TRAF3: variants seen among roughly 807,000 people sequenced by gnomAD.
The protein encoded by TRAF3 is TNF receptor associated factor 3, also known as TNF receptor-associated factor 3.
TRAF3 carries 13 observed loss-of-function variants against 62.3 expected under a neutral mutation model. That is an observed-to-expected ratio of 0.21 (90% CI 0.14 to 0.33). The LOEUF is 0.33. Among genes scored for constraint, TRAF3 ranks in the 10% least tolerant of loss-of-function variants. The pLI, the probability that TRAF3 is intolerant of heterozygous loss-of-function variation, is 1.00. For synonymous variants in TRAF3, 269 were observed against 283.4 expected, an observed-to-expected ratio of 0.95 and a Z score of 0.51; for missense variants, 440 against 741.8, an observed-to-expected ratio of 0.59 and a Z score of 4.73.
At chr14:102,894,807 T>G (rs1889914854) in intron 9 of TRAF3, among the ~76,000 whole-genome samples, 1 of 152,102 alleles carries the variant, frequency 6.6e-6, no homozygotes, top group Non-Finnish European at 1.5e-5. Context: ...GCTCAAGTGA[T>G]CCCATCCAGC....
At chr14:102,815,852 C>G (rs1899486145) in intron 1 of TRAF3, among the ~76,000 whole-genome samples, 1 of 152,108 alleles carries the variant, frequency 6.6e-6, no homozygotes, top group Admixed American at 6.6e-5. Context: ...TTTATAAAAC[C>G]ATCAGATCTG....
intron 1 of TRAF3, among the ~76,000 whole-genome samples, chr14:102,791,106 G>C (rs912236368): frequency 2.7e-4 from 40 of 148,092 alleles, no homozygotes; most frequent in African/African-American, 1.0e-3. Context: ...TGCAACCTCC[G>C]CCTCCCGGGT....
chr14:102,910,475 A>G lies in TRAF3; in HGVS notation c.*4691A>G, dbSNP rs1890809745. On this transcript the variant is annotated 3_prime_UTR_variant, in exon 12 of 12. Transcript: ENST00000392745. Reference sequence around the variant, plus strand: ...TGCGCACCGGGGTCCTAGCCAGGCGAGGTCAGTGTCGGCAGGCTACCTGGT... The same window carrying G: ...TGCGCACCGGGGTCCTAGCCAGGCGGGGTCAGTGTCGGCAGGCTACCTGGT... 1 of 152,242 alleles carries G rather than the reference A, an allele frequency of 6.6e-6. No homozygotes were observed. The highest frequency in any genetic ancestry group is 1.5e-5 in the Non-Finnish European group (1 of 68,058). The allele number at this position is 152,242 out of a possible 1,614,324, so 9.4% of individuals were successfully genotyped here. A position where few individuals can be genotyped will look rare whatever the true frequency, so the allele number is the denominator to read the frequency against.
Position 102,845,980 on chromosome 14 carries a change from C to CAA in TRAF3, c.-18+15536_-18+15537dup, listed in dbSNP as rs35353834. On this transcript the variant is annotated intron_variant, in intron 2 of 11. Transcript: ENST00000392745. Reference sequence around the variant, plus strand: ...TGGGTGACAGAGGTCGACCGTGTCTCAAAAAAAAAAAAAAAAAAAAAAAAA... The same window carrying CAA: ...TGGGTGACAGAGGTCGACCGTGTCTCAAAAAAAAAAAAAAAAAAAAAAAAAAA... Among the ~76,000 whole-genome samples, 61 of 56,878 alleles carry CAA rather than the reference C, an allele frequency of 1.1e-3. 1 individual carries two copies. Among genetic ancestry groups the CAA allele is most frequent in the East Asian group, 7.6e-3 (9 of 1,186 alleles). 37.3% of individuals were successfully genotyped at this position (56,878 alleles called of 152,430 possible).
chr14:102,851,467 G>A (rs1240164564), intron 2 of TRAF3, among the ~76,000 whole-genome samples: 1 of 152,156 alleles, frequency 6.6e-6, no homozygotes, highest in African/African-American at 2.4e-5. Context: ...TCACAGGGCC[G>A]GGCGCAGTGG....
chr14:102,796,271 A>C (rs1898079570), intron 1 of TRAF3, among the ~76,000 whole-genome samples: 1 of 152,234 alleles, frequency 6.6e-6, no homozygotes, highest in African/African-American at 2.4e-5. Flanking sequence ...ATGGCGGAAC[A>C]CGTGGAGGTT....
At chr14:102,893,329 G>T (rs1889827889) in intron 9 of TRAF3, among the ~76,000 whole-genome samples, 2 of 151,324 alleles carry the variant, frequency 1.3e-5, no homozygotes, top group Middle Eastern at 3.4e-3. Flanking sequence ...GGTGGAGTTT[G>T]CAGTGAGCCA....
At chr14:102,827,301 G>A (rs1900383152) in intron 1 of TRAF3, among the ~76,000 whole-genome samples, 1 of 152,204 alleles carries the variant, frequency 6.6e-6, no homozygotes, top group Non-Finnish European at 1.5e-5. Flanking sequence ...CCGCCCTGAC[G>A]GCGGTTCCCC....
chr14:102,843,937 G>A (rs1281632161), intron 2 of TRAF3, among the ~76,000 whole-genome samples: 1 of 152,208 alleles, frequency 6.6e-6, no homozygotes, highest in Admixed American at 6.5e-5. Flanking sequence ...AGACTGTTAA[G>A]ATATCATAAA....
At chr14:102,894,601 G>C (rs1293053321) in intron 9 of TRAF3, among the ~76,000 whole-genome samples, 1 of 152,198 alleles carries the variant, frequency 6.6e-6, no homozygotes, top group African/African-American at 2.4e-5. Context: ...TGATCTGCAG[G>C]ACCTGGGAGT....
At chr14:102,787,106 A>G (rs1273366942) in intron 1 of TRAF3, among the ~76,000 whole-genome samples, 2 of 152,194 alleles carry the variant, frequency 1.3e-5, no homozygotes, top group East Asian at 3.9e-4. Context: ...GGTTTGATAA[A>G]GGGAATGACT....
intron 1 of TRAF3, among the ~76,000 whole-genome samples, chr14:102,789,594 A>ATGTGTGTGTGTGTGTG (rs56383846): frequency 6.7e-6 from 1 of 148,686 alleles, no homozygotes; most frequent in Non-Finnish European, 1.5e-5. Context: ...AAAAGGATAT[A>ATGTGTGTGTGTGTGTG]TGTGTGTGTG....
At chr14:102,892,095 G>A (rs1595401918) in intron 9 of TRAF3, among the ~76,000 whole-genome samples, 2 of 143,578 alleles carry the variant, frequency 1.4e-5, no homozygotes, top group East Asian at 4.0e-4. Context: ...TGCTCTTGTA[G>A]CCCAGGCTGG....
intron 6 of TRAF3, among the ~76,000 whole-genome samples, chr14:102,883,393 A>G (rs1354058368): frequency 6.6e-6 from 1 of 152,186 alleles, no homozygotes; most frequent in African/African-American, 2.4e-5. Context: ...TTCATTTGGC[A>G]CACATATGTA....
intron 9 of TRAF3, among the ~76,000 whole-genome samples, chr14:102,896,265 T>A (rs1890003314): frequency 6.6e-6 from 1 of 152,190 alleles, no homozygotes; most frequent in African/African-American, 2.4e-5. Context: ...TCTGTCTAAC[T>A]GAGGCTCTGT....
At chr14:102,834,157 C>G (rs1353327071) in intron 2 of TRAF3, among the ~76,000 whole-genome samples, 1 of 151,992 alleles carries the variant, frequency 6.6e-6, no homozygotes, top group Non-Finnish European at 1.5e-5. Flanking sequence ...CAGTCCTAAG[C>G]AAAAGAACAA....
At chr14:102,870,488 C>T (rs1009604953) in intron 3 of TRAF3, 42 bp downstream of exon 3, 5 of 1,607,030 alleles carry the variant, frequency 3.1e-6, no homozygotes, top group Non-Finnish European at 4.2e-6. Flanking sequence ...CCCTTCTCAG[C>T]CCTCGGCCTC....
At chr14:102,831,532 G>A (rs367701174) in intron 2 of TRAF3, among the ~76,000 whole-genome samples, 7 of 152,254 alleles carry the variant, frequency 4.6e-5, no homozygotes, top group Admixed American at 1.3e-4. Flanking sequence ...CTGGGACTTC[G>A]GTCAGGCCAG....
chr14:102,821,670 A>T (rs1899994941), intron 1 of TRAF3, among the ~76,000 whole-genome samples: 1 of 152,222 alleles, frequency 6.6e-6, no homozygotes, highest in Non-Finnish European at 1.5e-5. Context: ...TGTGTGTATC[A>T]GTGGATTATG....
Sources: gnomAD v4.1 joint callset for allele counts (sites outside exome capture counted in the v4.1 genomes callset) on GRCh38, gnomAD v4.1.1 for gene constraint, MANE v1.5 for transcripts, NCBI Gene and HGNC (gene_info 2026-07-23, HGNC 2026-07-21) for gene names.